ATF7IP2: variants seen among roughly 807,000 people sequenced by gnomAD.
The protein encoded by ATF7IP2 is activating transcription factor 7-interacting protein 2.
Under a neutral mutation model 64.2 loss-of-function variants are expected in ATF7IP2, and 42 were observed. The ratio of observed to expected loss-of-function variants is 0.65; its 90% confidence interval spans 0.51 to 0.85. The LOEUF (loss-of-function observed/expected upper bound fraction) is 0.85, where lower values mean the gene tolerates loss of function less well. Ranked by LOEUF, ATF7IP2 falls within the 40% of genes least tolerant of loss-of-function variation. ATF7IP2 has a pLI of 0.00. For missense variants in ATF7IP2, 933 were observed against 784.2 expected, an observed-to-expected ratio of 1.19 and a Z score of -2.27; for synonymous variants, 308 against 272.8, an observed-to-expected ratio of 1.13 and a Z score of -1.27.
intron 1 of ATF7IP2, among the ~76,000 whole-genome samples, chr16:10,399,824 G>A (rs1229811712): frequency 6.6e-6 from 1 of 152,038 alleles, no homozygotes; most frequent in African/African-American, 2.4e-5. Flanking sequence ...AGTGAGCATG[G>A]GATATTTTTC....
chr16:10,452,759 C>T (rs1339346806), intron 8 of ATF7IP2, among the ~76,000 whole-genome samples: 1 of 152,132 alleles, frequency 6.6e-6, no homozygotes, highest in Non-Finnish European at 1.5e-5. Context: ...CCCCTGCTGC[C>T]TTTTTTTCAG....
intron 3 of ATF7IP2, among the ~76,000 whole-genome samples, chr16:10,424,073 A>G (rs2048038195): frequency 6.6e-6 from 1 of 152,250 alleles, no homozygotes; most frequent in African/African-American, 2.4e-5. Flanking sequence ...CGGGAAACAA[A>G]AGGATGGGCT....
At chr16:10,411,516 G>A (rs1304335520) in intron 1 of ATF7IP2, among the ~76,000 whole-genome samples, 3 of 151,892 alleles carry the variant, frequency 2.0e-5, no homozygotes, top group East Asian at 1.9e-4. Context: ...GATTACAGGC[G>A]TGTGCCACCA....
intron 3 of ATF7IP2, among the ~76,000 whole-genome samples, chr16:10,424,311 G>A (rs1358119998): frequency 6.6e-6 from 1 of 152,102 alleles, no homozygotes; most frequent in Non-Finnish European, 1.5e-5. Context: ...TCTGTTTATG[G>A]CTAGATTTGG....
At chr16:10,436,386 T>G (rs2048419619) in intron 6 of ATF7IP2, among the ~76,000 whole-genome samples, 1 of 106,474 alleles carries the variant, frequency 9.4e-6, no homozygotes, top group Non-Finnish European at 2.1e-5. Context: ...TATGTGTTAC[T>G]GAGCCTTTTT....
chr16:10,405,381 A>AG (rs1369031615), intron 1 of ATF7IP2, among the ~76,000 whole-genome samples: 1 of 152,112 alleles, frequency 6.6e-6, no homozygotes, highest in Non-Finnish European at 1.5e-5. Context: ...TCAAAAAAAA[A>AG]AAGTTAATAT....
At chr16:10,393,386 A>G (rs2141743386) in intron 1 of ATF7IP2, among the ~76,000 whole-genome samples, 1 of 152,116 alleles carries the variant, frequency 6.6e-6, no homozygotes, top group Admixed American at 6.5e-5. Flanking sequence ...AATAGAACAA[A>G]AGGCATGAGA....
At chr16:10,420,715 C>T (rs371904124) in intron 3 of ATF7IP2, among the ~76,000 whole-genome samples, 181 of 152,294 alleles carry the variant, frequency 1.2e-3, no homozygotes, top group African/African-American at 3.5e-3. Flanking sequence ...TGTGTGAAAT[C>T]GTAACTGAGC....
chr16:10,398,712 G>A (rs959360139), intron 1 of ATF7IP2, among the ~76,000 whole-genome samples: 1 of 152,078 alleles, frequency 6.6e-6, no homozygotes, highest in Non-Finnish European at 1.5e-5. Flanking sequence ...CTCATTTTTG[G>A]AATCTAAGAC....
intron 1 of ATF7IP2, among the ~76,000 whole-genome samples, chr16:10,401,809 A>T (rs1417156508): frequency 7.2e-6 from 1 of 139,146 alleles, no homozygotes. Flanking sequence ...TCTATTCAGG[A>T]TTTCTGTTTC....
At chr16:10,453,860 G>A (rs1466775471) in intron 8 of ATF7IP2, among the ~76,000 whole-genome samples, 4 of 151,962 alleles carry the variant, frequency 2.6e-5, no homozygotes, top group Non-Finnish European at 2.9e-5. Flanking sequence ...CATGTGATCC[G>A]CCTGCCCTGA....
At chr16:10,439,465 A>G (rs544661082) in intron 7 of ATF7IP2, among the ~76,000 whole-genome samples, 2 of 147,444 alleles carry the variant, frequency 1.4e-5, no homozygotes, top group South Asian at 4.3e-4. Context: ...CAATCTCCTG[A>G]CCTCATGATC....
At chr16:10,441,466 T>G (rs2048619480) in intron 8 of ATF7IP2, among the ~76,000 whole-genome samples, 1 of 152,258 alleles carries the variant, frequency 6.6e-6, no homozygotes, top group Non-Finnish European at 1.5e-5. Flanking sequence ...TGAGTTAGTA[T>G]CTTACTGTGG....
chr16:10,420,716 G>T (rs564504171), intron 3 of ATF7IP2, among the ~76,000 whole-genome samples: 1 of 152,150 alleles, frequency 6.6e-6, no homozygotes, highest in Non-Finnish European at 1.5e-5. Flanking sequence ...GTGTGAAATC[G>T]TAACTGAGCA....
At chr16:10,408,783 G>A (rs2047693288) in intron 1 of ATF7IP2, among the ~76,000 whole-genome samples, 1 of 152,194 alleles carries the variant, frequency 6.6e-6, no homozygotes, top group Admixed American at 6.5e-5. Flanking sequence ...CTCCCACTCT[G>A]TGGGTTATCT....
chr16:10,470,156 TAC>T (rs1345792747), intron 9 of ATF7IP2, among the ~76,000 whole-genome samples: 3 of 152,136 alleles, frequency 2.0e-5, no homozygotes, highest in African/African-American at 4.8e-5. Context: ...TTATAGTGTA[TAC>T]ACACAACACA....
chr16:10,464,792 T>C (rs1042816982), intron 9 of ATF7IP2, among the ~76,000 whole-genome samples: 4 of 152,222 alleles, frequency 2.6e-5, no homozygotes, highest in African/African-American at 7.2e-5. Flanking sequence ...CTATTTTGCA[T>C]GTGTTGCTCC....
At chr16:10,399,401 A>G (rs776659460) in intron 1 of ATF7IP2, among the ~76,000 whole-genome samples, 1 of 152,280 alleles carries the variant, frequency 6.6e-6, no homozygotes, top group Admixed American at 6.5e-5. Flanking sequence ...ATTCTTATAC[A>G]TATGTTAATC....
chr16:10,386,983 T>C (rs967232128), intron 1 of ATF7IP2: 16 of 152,236 alleles, frequency 1.1e-4, no homozygotes, highest in Non-Finnish European at 2.1e-4. Flanking sequence ...ACAATGGCTT[T>C]TTCTGTTCTG....
Sources: allele counts gnomAD v4.1 joint callset (sites outside exome capture counted in the v4.1 genomes callset), GRCh38; gene constraint gnomAD v4.1.1; transcripts MANE v1.5; gene names NCBI Gene and HGNC (gene_info 2026-07-23, HGNC 2026-07-21).